Variants in PI4KB observed in about 807,000 individuals in gnomAD.
The protein encoded by PI4KB is phosphatidylinositol 4-kinase beta, also known as PtdIns 4-kinase beta.
In PI4KB, 23 loss-of-function variants were observed where a neutral mutation model predicts 81.4. That is an observed-to-expected ratio of 0.28 (90% CI 0.20 to 0.40). The LOEUF (loss-of-function observed/expected upper bound fraction) is 0.40. Ranked by LOEUF, PI4KB falls within the 10% of genes least tolerant of loss-of-function variation. PI4KB has a pLI of 1.00. For missense variants in PI4KB, 651 were observed against 1,036.6 expected, an observed-to-expected ratio of 0.63 and a Z score of 5.11; for synonymous variants, 381 against 406.8, an observed-to-expected ratio of 0.94 and a Z score of 0.76.
intron 1 of PI4KB, among the ~76,000 whole-genome samples, chr1:151,316,768 AATGTTGTTTTGTAT>A (rs1648010392): frequency 6.6e-6 from 1 of 152,148 alleles, no homozygotes. Context: ...ATATATGTGA[AATGTTGTTTTGTAT>A]ATGTTGTATT....
chr1:151,295,076 A>C (rs1009116018), intron 9 of PI4KB, among the ~76,000 whole-genome samples: 1 of 152,212 alleles, frequency 6.6e-6, no homozygotes, highest in African/African-American at 2.4e-5. Context: ...TGGGGGCTTC[A>C]AGGGGTAAGT....
chr1:151,310,116 CAGCCT>C (rs1293985265), intron 3 of PI4KB, 90 bp downstream of exon 3: 2 of 855,668 alleles, frequency 2.3e-6, no homozygotes, highest in African/African-American at 3.4e-5. Context: ...ATTTTAACTC[CAGCCT>C]TGGCCTGGGG....
chr1:151,325,809 C>T (rs552558024), intron 1 of PI4KB, among the ~76,000 whole-genome samples: 4 of 152,272 alleles, frequency 2.6e-5, no homozygotes, highest in Non-Finnish European at 4.4e-5. Flanking sequence ...AACAAATAAA[C>T]CAAATCTGAT....
chr1:151,304,343 GTTTTTT>G (rs587741967), intron 5 of PI4KB, among the ~76,000 whole-genome samples: 3 of 135,278 alleles, frequency 2.2e-5, no homozygotes, highest in Non-Finnish European at 4.7e-5. Context: ...CTGGCTGTGT[GTTTTTT>G]TTTTTTTTTT....
At chr1:151,305,852 G>T (rs998405450) in intron 5 of PI4KB, among the ~76,000 whole-genome samples, 3 of 152,120 alleles carry the variant, frequency 2.0e-5, no homozygotes, top group African/African-American at 7.2e-5. Flanking sequence ...ACTTTATGTA[G>T]GTGTTCAATA....
At position 151,307,447 on chromosome 1, in the gene PI4KB, T is replaced by A. The variant is rs183926646; in HGVS notation, c.1182+127A>T. On this transcript the variant is annotated intron_variant, in intron 4 of 11. Coordinates refer to ENST00000368873, the MANE Select transcript of PI4KB (RefSeq NM_001369623.2). ...CTGAGACAGAGTCATGGTTGACATA[T>A]GCATCATGAACTATGAAGGGAGTCT... 141 of 641,166 alleles carry A rather than the reference T, an allele frequency of 2.2e-4. No homozygotes were observed. The Admixed American group carries it at 3.3e-3, about 15-fold the overall frequency. The allele number at this position is 641,166 out of a possible 1,614,324, so 39.7% of individuals were successfully genotyped here.
Position 151,315,778 on chromosome 1 carries a change from T to C in PI4KB, c.704A>G (p.Lys235Arg), listed in dbSNP as rs772064792. Residue 235 changes from lysine (K) to arginine (R), a missense_variant, in exon 2 of 12, where the codon AAG becomes AGG. Around this residue, in one of 5 missense-constraint regions of PI4KB, gnomAD observed 314 missense variants for 397.8 expected, o/e 0.79. Coordinates refer to ENST00000368873, the MANE Select transcript of PI4KB (RefSeq NM_001369623.2). ...ISTQRHSRGT[K>R]LRKLILSDEL... Reference sequence around the variant, plus strand: ...ATCTGAGAGGATCAGCTTCCGTAGCTTGGTCCCACGGGAGTGTCGTTGAGT... The same window carrying C: ...ATCTGAGAGGATCAGCTTCCGTAGCCTGGTCCCACGGGAGTGTCGTTGAGT... 2.6e-5 allele frequency: 42 copies of C among 1,612,920 alleles called. No individual in the cohort carries two copies. The highest frequency in any genetic ancestry group is 3.3e-5 in the Non-Finnish European group (39 of 1,179,334).
chr1:151,325,425 G>A (rs895221450), intron 1 of PI4KB, among the ~76,000 whole-genome samples: 3 of 152,142 alleles, frequency 2.0e-5, no homozygotes, highest in Admixed American at 6.5e-5. Flanking sequence ...GGAATCTCAC[G>A]TGCCCTTTCG....
At chr1:151,294,305 CT>C in intron 10 of PI4KB, 103 bp downstream of exon 10, 1 of 1,483,268 alleles carries the variant, frequency 6.7e-7, no homozygotes, top group Non-Finnish European at 9.2e-7. Context: ...TAATTACTGC[CT>C]GTTCTGTTCA....
rs1694276774 is a variant in PI4KB, at chr1:151,291,807, C to A, written c.*1045G>T. On this transcript the variant is annotated 3_prime_UTR_variant, in exon 12 of 12. Coordinates refer to ENST00000368873, the MANE Select transcript of PI4KB (RefSeq NM_001369623.2). ...CACAGGAGAGGAGGGGACAGGCTCTCAGGAATCCTTTATTCTTGTAGTAAT... is the reference window on the plus strand; with the variant it reads ...CACAGGAGAGGAGGGGACAGGCTCTAAGGAATCCTTTATTCTTGTAGTAAT... 1 of 152,476 alleles carries A rather than the reference C, an allele frequency of 6.6e-6. No individual in the cohort carries two copies. Among genetic ancestry groups the A allele is most frequent in the African/African-American group, 2.4e-5 (1 of 41,378 alleles). The allele number at this position is 152,476 out of a possible 1,614,324, so 9.4% of individuals were successfully genotyped here.
At chr1:151,321,678 C>G (rs1040108876) in intron 1 of PI4KB, among the ~76,000 whole-genome samples, 2 of 151,772 alleles carry the variant, frequency 1.3e-5, no homozygotes, top group Non-Finnish European at 2.9e-5. Context: ...TGGAGACCAT[C>G]CTGGCTAACA....
upstream of PI4KB, chr1:151,327,494 C>T (rs1649837325): frequency 2.5e-6 from 1 of 396,534 alleles, no homozygotes; most frequent in Middle Eastern, 6.3e-4. Flanking sequence ...CCTCTTCTTC[C>T]TCCCTCAGTA....
intron 1 of PI4KB, among the ~76,000 whole-genome samples, chr1:151,323,521 G>A (rs557623614): frequency 1.3e-5 from 2 of 151,600 alleles, no homozygotes; most frequent in Non-Finnish European, 2.9e-5. Context: ...TCAGGAGTTC[G>A]TGACCAGCCT....
At chr1:151,324,988 C>CTTTT (rs572033691) in intron 1 of PI4KB, 31 of 371,186 alleles carry the variant, frequency 8.4e-5, no homozygotes, top group Non-Finnish European at 1.0e-4. Flanking sequence ...AGGAAAGCTG[C>CTTTT]TTTTTTTTTT....
chr1:151,327,610 T>C (rs531103851), upstream of PI4KB: 11 of 383,392 alleles, frequency 2.9e-5, no homozygotes, highest in South Asian at 1.3e-3. Context: ...CAGGATACGC[T>C]TTCCTGCTTC....
intron 9 of PI4KB, among the ~76,000 whole-genome samples, chr1:151,298,107 G>T (rs906466407): frequency 6.6e-6 from 1 of 152,196 alleles, no homozygotes; most frequent in Admixed American, 6.5e-5. Flanking sequence ...GAAAAAAAAT[G>T]ACAGCTCTGG....
At chr1:151,327,216 A>ACGGGGGCCCCCCCCC (rs1649762612) in intron 1 of PI4KB, 55 bp downstream of exon 1, 3 of 104,014 alleles carry the variant, frequency 2.9e-5, no homozygotes, top group Non-Finnish European at 1.8e-5. Flanking sequence ...TGGGAGAGGG[A>ACGGGGGCCCCCCCCC]CCCCCCCCCC....
chr1:151,303,009 T>TC, intron 6 of PI4KB, among the ~76,000 whole-genome samples: 1 of 146,188 alleles, frequency 6.8e-6, no homozygotes, highest in East Asian at 2.0e-4. Context: ...TTTTTTTTTT[T>TC]TTTTTTTGAG....
At chr1:151,299,159 T>C in intron 8 of PI4KB, 86 bp from the exon 9 acceptor site, 7 of 1,213,614 alleles carry the variant, frequency 5.8e-6, no homozygotes, top group Non-Finnish European at 8.3e-6. Context: ...CTCCAGCCTC[T>C]CTCCTTGGTA....
Sources: allele counts gnomAD v4.1 joint callset (sites outside exome capture counted in the v4.1 genomes callset), GRCh38; gene constraint gnomAD v4.1.1; regional missense constraint gnomAD v4.1.1; transcripts MANE v1.5; gene names NCBI Gene and HGNC (gene_info 2026-07-23, HGNC 2026-07-21).